The following C5orf22 variants were observed in gnomAD, a reference collection of about 807,000 sequenced individuals.
C5orf22 encodes the protein UPF0489 protein C5orf22.
C5orf22 carries 36 observed loss-of-function variants against 48.7 expected under a neutral mutation model. That is an observed-to-expected ratio of 0.74 (90% CI 0.57 to 0.98). C5orf22 has a LOEUF of 0.98. Among genes scored for constraint, C5orf22 ranks in the 50% least tolerant of loss-of-function variants. The pLI, the probability that C5orf22 is intolerant of heterozygous loss-of-function variation, is 0.00. For missense variants in C5orf22, 486 were observed against 521.9 expected, an observed-to-expected ratio of 0.93 and a Z score of 0.67; for synonymous variants, 141 against 180.8, an observed-to-expected ratio of 0.78 and a Z score of 1.76.
chr5:31,533,363 T>C lies in C5orf22; in HGVS notation c.81+890T>C, dbSNP rs1211058496. Among the ~76,000 whole-genome samples, 4 of 152,254 alleles carry C rather than the reference T, an allele frequency of 2.6e-5. No individual in the cohort carries two copies. In the East Asian group the frequency reaches 7.7e-4, roughly 29 times the overall value. ...CTGATTTACAGTAGCCAAATTGGTG[T>C]CTTAATCTAGACTTTTCCAAGTCAA... On this transcript the variant is annotated intron_variant, in intron 1 of 8. Coordinates refer to ENST00000325366, the MANE Select transcript of C5orf22 (RefSeq NM_018356.3).
intron 6 of C5orf22, among the ~76,000 whole-genome samples, chr5:31,542,185 T>C (rs561614023): frequency 2.0e-5 from 3 of 152,012 alleles, no homozygotes; most frequent in Non-Finnish European, 4.4e-5. Flanking sequence ...GCGTGGTGGC[T>C]CACGCCTGTA....
At chr5:31,547,472 C>T (rs560483527) in intron 7 of C5orf22, among the ~76,000 whole-genome samples, 1 of 152,372 alleles carries the variant, frequency 6.6e-6, no homozygotes, top group Non-Finnish European at 1.5e-5. Context: ...ATTTCCCTTC[C>T]ACACTGCCCT....
chr5:31,554,782 G>C lies in C5orf22; in HGVS notation c.*1880G>C, dbSNP rs1466984288. 1.3e-5 allele frequency: 2 copies of C among 152,092 alleles called. No homozygotes were observed. Among genetic ancestry groups the C allele is most frequent in the African/African-American group, 4.8e-5 (2 of 41,422 alleles). 9.4% of individuals were successfully genotyped at this position (152,092 alleles called of 1,614,324 possible). ...ATGATTCATTGTGGTTTTAACTCAG[G>C]TTGAATAAAAGCATCCATTTCTTTT... On this transcript the variant is annotated 3_prime_UTR_variant, in exon 9 of 9. Transcript: ENST00000325366.
Position 31,554,926 on chromosome 5 carries a change from A to C in C5orf22, c.*2024A>C, listed in dbSNP as rs1743505304. Reference sequence around the variant, plus strand: ...TATGTCTTGCACATTCCAAATAGGAAGGTATTTACTTTATCAAGATGTGTT... The same window carrying C: ...TATGTCTTGCACATTCCAAATAGGACGGTATTTACTTTATCAAGATGTGTT... On this transcript the variant is annotated 3_prime_UTR_variant, in exon 9 of 9. Transcript: ENST00000325366. 2 of 152,244 alleles carry C rather than the reference A, an allele frequency of 1.3e-5. No individual in the cohort carries two copies. The highest frequency in any genetic ancestry group is 4.8e-5 in the African/African-American group (2 of 41,462). 9.4% of individuals were successfully genotyped at this position (152,244 alleles called of 1,614,324 possible). A position where few individuals can be genotyped will look rare whatever the true frequency, so the allele number is the denominator to read the frequency against.
rs1743481207 is a variant in C5orf22, at chr5:31,554,547, C to G, written c.*1645C>G. ...AAAAGGTTTATTTTCTTGGTAAAATCAGAATTGTAGAATTGTGCTATTTTT... is the reference window on the plus strand; with the variant it reads ...AAAAGGTTTATTTTCTTGGTAAAATGAGAATTGTAGAATTGTGCTATTTTT... On this transcript the variant is annotated 3_prime_UTR_variant, in exon 9 of 9. Transcript: ENST00000325366. The G allele has an allele frequency of 6.6e-6, 1 of 152,162 alleles. No homozygotes were observed. The highest frequency in any genetic ancestry group is 2.4e-5 in the African/African-American group (1 of 41,438). 9.4% of individuals were successfully genotyped at this position (152,162 alleles called of 1,614,324 possible).
At position 31,534,272 on chromosome 5, in the gene C5orf22, G is replaced by T. The variant is rs1003323570; in HGVS notation, c.82G>T (p.Val28Phe). The T allele has an allele frequency of 3.1e-6, 5 of 1,611,144 alleles. No homozygotes were observed. Among genetic ancestry groups the T allele is most frequent in the African/African-American group, 2.7e-5 (2 of 74,744 alleles). ...PVWVVEDHQEVLPFIYRAIGS... is the reference protein window; with the variant it reads ...PVWVVEDHQEFLPFIYRAIGS... ...TATTGTGTGCCTGTGTCTTTTACAG[G>T]TTCTACCCTTTATATACCGGGCCAT... is the stretch of plus-strand genomic sequence containing the variant. The change falls in exon 2 of 9, where the codon GTT becomes TTT. Residue 28 changes from valine to phenylalanine, a missense_variant and splice_region_variant. By Grantham distance (50) the Val-to-Phe change is conservative. Around this residue, in one of 3 missense-constraint regions of C5orf22, gnomAD observed 74 missense variants for 61.2 expected, o/e 1.21. Coordinates refer to ENST00000325366, the MANE Select transcript of C5orf22 (RefSeq NM_018356.3).
intron 6 of C5orf22, 27 bp from the exon 7 acceptor site, chr5:31,545,619 T>A (rs375197780): frequency 6.4e-7 from 1 of 1,566,438 alleles, no homozygotes; most frequent in African/African-American, 1.4e-5. Flanking sequence ...TTGTGATGTT[T>A]AATTGAGTGG....
At position 31,541,105 on chromosome 5, in the gene C5orf22, AGTGTGTGT is replaced by A. The variant is rs35650579; in HGVS notation, c.870+131_871-132del. On this transcript the variant is annotated intron_variant, in intron 5 of 8. Transcript: ENST00000325366. ...CACAGTGATCTCAAAGACTGCTCAA[AGTGTGTGT>A]GTGTGTGTGTGTGTGTGTGTGTGTG... The A allele has an allele frequency of 5.8e-3, 3,920 of 675,534 alleles. 11 individuals carry two copies. Among genetic ancestry groups the A allele is most frequent in the African/African-American group, 0.027 (1,436 of 53,254 alleles). 41.8% of individuals were successfully genotyped at this position (675,534 alleles called of 1,614,324 possible).
chr5:31,540,646 C>T (rs913097642), intron 4 of C5orf22, among the ~76,000 whole-genome samples: 1 of 152,078 alleles, frequency 6.6e-6, no homozygotes, highest in African/African-American at 2.4e-5. Context: ...CATCTCGTGA[C>T]CCATTAGCCA....
Position 31,552,767 on chromosome 5 carries a change from T to C in C5orf22, c.1200-6T>C. 1 of 1,612,214 alleles carries C rather than the reference T, an allele frequency of 6.2e-7. No homozygotes were observed. The highest frequency in any genetic ancestry group is 8.5e-7 in the Non-Finnish European group (1 of 1,178,908). Reference sequence around the variant, plus strand: ...TTTTTCTTCTTTCTCTTTCTGTTGGTTCTAGGTCAAGTCTGGATGATTACT... The same window carrying C: ...TTTTTCTTCTTTCTCTTTCTGTTGGCTCTAGGTCAAGTCTGGATGATTACT... On this transcript the variant is annotated splice_region_variant and splice_polypyrimidine_tract_variant and intron_variant, in intron 8 of 8. Coordinates refer to ENST00000325366, the MANE Select transcript of C5orf22 (RefSeq NM_018356.3).
chr5:31,533,217 G>T (rs544111411), intron 1 of C5orf22, among the ~76,000 whole-genome samples: 2 of 151,944 alleles, frequency 1.3e-5, no homozygotes, highest in South Asian at 4.1e-4. Flanking sequence ...GCCTCCCAAA[G>T]TGCTGGGATT....
chr5:31,542,478 A>AAAAAAAAAAAAC (rs1742533523), intron 6 of C5orf22, among the ~76,000 whole-genome samples: 1 of 150,808 alleles, frequency 6.6e-6, no homozygotes, highest in Non-Finnish European at 1.5e-5. Context: ...AAAAAAAAAA[A>AAAAAAAAAAAAC]GCGAAAACTT....
At position 31,553,767 on chromosome 5, in the gene C5orf22, A is replaced by T. The variant is rs1743437227; in HGVS notation, c.*865A>T. On this transcript the variant is annotated 3_prime_UTR_variant, in exon 9 of 9. Coordinates refer to ENST00000325366, the MANE Select transcript of C5orf22 (RefSeq NM_018356.3). ...GGTATCAAGGTGGTCTGGTTGAGTA[A>T]ACTTGACCAAACAAAAATTAACTGT... 1 of 152,180 alleles carries T rather than the reference A, an allele frequency of 6.6e-6. No individual in the cohort carries two copies. Among genetic ancestry groups the T allele is most frequent in the Non-Finnish European group, 1.5e-5 (1 of 68,028 alleles). 9.4% of individuals were successfully genotyped at this position (152,180 alleles called of 1,614,324 possible).
chr5:31,539,827 G>A (rs1425811064), intron 4 of C5orf22, among the ~76,000 whole-genome samples: 1 of 151,908 alleles, frequency 6.6e-6, no homozygotes, highest in Non-Finnish European at 1.5e-5. Context: ...AGGACCACTT[G>A]AGCCAAGGAG....
rs373718097 is a variant in C5orf22, at chr5:31,541,289, G to C, written c.879G>C (p.Leu293Phe). ...KPGTNLTEED[L>F]VDIVDTRIHQ... ...TTTCAATGTATTTAAAGGAAGATTT[G>C]GTAGATATTGTTGATACTCGAATTC... The change falls in exon 6 of 9, where the codon TTG becomes TTC. Residue 293 changes from leucine (L) to phenylalanine (F), a missense_variant. Physicochemically the swap from Leu to Phe is conservative, Grantham distance 22. Coordinates refer to ENST00000325366, the MANE Select transcript of C5orf22 (RefSeq NM_018356.3). The C allele has an allele frequency of 1.5e-5, 24 of 1,610,246 alleles. No homozygotes were observed. In the African/African-American group the frequency reaches 3.2e-4, roughly 22 times the overall value.
Position 31,534,404 on chromosome 5 carries a change from GA to G in C5orf22, c.217del (p.Thr73HisfsTer6), listed in dbSNP as rs768812196. The G allele has an allele frequency of 6.2e-7, 1 of 1,609,664 alleles. No individual in the cohort carries two copies. Among genetic ancestry groups the G allele is most frequent in the Non-Finnish European group, 8.5e-7 (1 of 1,178,946 alleles). On this transcript the variant is annotated frameshift_variant, in exon 2 of 9. Transcript: ENST00000325366. LOFTEE classifies it high-confidence loss of function. ...GCCAGCAGACACCGTGTTTGATAAG[GA>G]AACACTCTTTGGGTAATATGTGATT... is the stretch of plus-strand genomic sequence containing the variant. ...NMPADTVFDK[E>X]TLFGELSIEN...
chr5:31,534,455 A>G, intron 2 of C5orf22, 38 bp downstream of exon 2: 1 of 1,564,206 alleles, frequency 6.4e-7, no homozygotes, highest in South Asian at 1.2e-5. Flanking sequence ...TTGTGTTTGA[A>G]GTACAATTTG....
chr5:31,546,103 G>A (rs545735271), intron 7 of C5orf22, among the ~76,000 whole-genome samples: 14 of 151,970 alleles, frequency 9.2e-5, no homozygotes, highest in African/African-American at 2.7e-4. Flanking sequence ...AAACTTTTCC[G>A]TTTGTAAAAA....
At chr5:31,535,141 G>A (rs1303809230) in intron 2 of C5orf22, 13 of 381,316 alleles carry the variant, frequency 3.4e-5, no homozygotes, top group Middle Eastern at 7.4e-4. Flanking sequence ...TTGAAAAGTA[G>A]TAGTTTATTA....
Sources: allele counts gnomAD v4.1 joint callset (sites outside exome capture counted in the v4.1 genomes callset), GRCh38; gene constraint gnomAD v4.1.1; regional missense constraint gnomAD v4.1.1; transcripts MANE v1.5; gene names NCBI Gene and HGNC (gene_info 2026-07-23, HGNC 2026-07-21).